KIRREL3: variants seen among roughly 807,000 people sequenced by gnomAD.
The protein encoded by KIRREL3 is kirre like nephrin family adhesion molecule 3.
KIRREL3 carries 36 observed loss-of-function variants against 89.7 expected under a neutral mutation model. The observed-to-expected ratio is 0.40, with a 90% CI of 0.31 to 0.53. The LOEUF (loss-of-function observed/expected upper bound fraction) is 0.53, where lower values mean the gene tolerates loss of function less well. KIRREL3 is among the 20% of genes least tolerant of loss of function. The pLI is 0.49. For synonymous variants in KIRREL3, 445 were observed against 441.4 expected (o/e 1.01, Z -0.10); for missense variants, 864 against 1,056.6 (o/e 0.82, Z 2.53).
chr11:126,447,191 A>G (rs538654021), intron 8 of KIRREL3, among the ~76,000 whole-genome samples: 45 of 152,002 alleles, frequency 3.0e-4, no homozygotes, highest in African/African-American at 1.1e-3. Context: ...GCCTGGATTT[A>G]CCCCCACGGC....
chr11:126,731,222 C>T (rs898905249), intron 1 of KIRREL3, among the ~76,000 whole-genome samples: 1 of 152,272 alleles, frequency 6.6e-6, no homozygotes, highest in Admixed American at 6.5e-5. Flanking sequence ...CTCTCCAGAC[C>T]CACCTTCCAT....
intron 8 of KIRREL3, among the ~76,000 whole-genome samples, chr11:126,448,381 G>A (rs1191395112): frequency 6.6e-6 from 1 of 152,048 alleles, no homozygotes; most frequent in African/African-American, 2.4e-5. Context: ...CAATGGATTT[G>A]GTCATTGCCT....
chr11:126,748,722 C>G lies in KIRREL3; in HGVS notation c.56-185810G>C, dbSNP rs1366008471. 6.6e-6 allele frequency among the ~76,000 whole-genome samples: 1 copy of G among 152,146 alleles called. No homozygotes were observed. The highest frequency in any genetic ancestry group is 2.4e-5 in the African/African-American group (1 of 41,424). On this transcript the variant is annotated intron_variant, in intron 1 of 16. Transcript: ENST00000525144. The surrounding 1 kb of genome is among the most constrained non-coding windows in gnomAD (Gnocchi z 4.6). ...TCGTGGTAACAAATGAGGATTAAAC[C>G]AGGCCACGTGTGCCATCCATCGCTG...
intron 1 of KIRREL3, among the ~76,000 whole-genome samples, chr11:126,878,295 G>T (rs1464378902): frequency 1.3e-5 from 2 of 152,146 alleles, no homozygotes; most frequent in South Asian, 2.1e-4. Flanking sequence ...TGTGTAGTGA[G>T]AACAGTTGTA....
At position 126,752,523 on chromosome 11, in the gene KIRREL3, T is replaced by C. The variant is rs1345174773; in HGVS notation, c.56-189611A>G. Among the ~76,000 whole-genome samples, 3 of 152,166 alleles carry C rather than the reference T, an allele frequency of 2.0e-5. No individual in the cohort carries two copies. Among genetic ancestry groups the C allele is most frequent in the African/African-American group, 4.8e-5 (2 of 41,422 alleles). On this transcript the variant is annotated intron_variant, in intron 1 of 16. Transcript: ENST00000525144. The surrounding 1 kb of genome is among the most constrained non-coding windows in gnomAD (Gnocchi z 4.8). ...GCGGAATAAGACCACTGAGTGTTGT[T>C]CTTGAAAACTGATGCAGAATTAGAG...
chr11:126,839,553 A>G (rs1943893119), intron 1 of KIRREL3, among the ~76,000 whole-genome samples: 1 of 152,164 alleles, frequency 6.6e-6, no homozygotes, highest in Admixed American at 6.5e-5. Flanking sequence ...GGTTCCAGAA[A>G]GCTGTTCTTC....
chr11:126,631,013 GTTCCC>G (rs2134882219), intron 1 of KIRREL3, among the ~76,000 whole-genome samples: 1 of 152,286 alleles, frequency 6.6e-6, no homozygotes, highest in South Asian at 2.1e-4. Context: ...CCTGCCTGGT[GTTCCC>G]CACACCAAAA....
rs1378104963 is a variant in KIRREL3, at chr11:126,676,080, G to A, written c.56-113168C>T. On this transcript the variant is annotated intron_variant, in intron 1 of 16. Transcript: ENST00000525144. This position sits in a 1 kb window ranked among gnomAD's most constrained non-coding sequence, Gnocchi z 4.5. ...AGAAAGGAAGAGGATGCCAGGTCCAGTTTGGGACATACTGAATTTCAGATG... is the reference window on the plus strand; with the variant it reads ...AGAAAGGAAGAGGATGCCAGGTCCAATTTGGGACATACTGAATTTCAGATG... Among the ~76,000 whole-genome samples the A allele has an allele frequency of 6.6e-6, 1 of 152,188 alleles. No individual in the cohort carries two copies. The highest frequency in any genetic ancestry group is 1.5e-5 in the Non-Finnish European group (1 of 68,034).
chr11:126,608,035 C>T lies in KIRREL3; in HGVS notation c.56-45123G>A, dbSNP rs778747989. Among the ~76,000 whole-genome samples the T allele has an allele frequency of 6.6e-6, 1 of 152,200 alleles. No homozygotes were observed. The highest frequency in any genetic ancestry group is 1.5e-5 in the Non-Finnish European group (1 of 68,046). On this transcript the variant is annotated intron_variant, in intron 1 of 16. Coordinates refer to ENST00000525144, the MANE Select transcript of KIRREL3 (RefSeq NM_032531.4). This position sits in a 1 kb window ranked among gnomAD's most constrained non-coding sequence, Gnocchi z 4.9. ...TCATCTCCCGTGCCTGCCGTGCTGT[C>T]TCTTACCAACCCAGGAGGGAGGGTT... is the stretch of plus-strand genomic sequence containing the variant.
chr11:126,572,655 G>A (rs1454898999), intron 1 of KIRREL3, among the ~76,000 whole-genome samples: 1 of 152,318 alleles, frequency 6.6e-6, no homozygotes, highest in African/African-American at 2.4e-5. Flanking sequence ...AGCCCTTGTG[G>A]GAGTGAGGCT....
chr11:126,690,756 G>A (rs1377906164), intron 1 of KIRREL3, among the ~76,000 whole-genome samples: 1 of 152,196 alleles, frequency 6.6e-6, no homozygotes, highest in Non-Finnish European at 1.5e-5. Context: ...ATCTGATGTC[G>A]AGGAATCTTT....
chr11:126,424,091 GC>G lies in KIRREL3; in HGVS notation c.*488del, dbSNP rs1954832700. The stretch of plus-strand genomic sequence containing the variant: ...TATGGGCTATGAGCAGCAGTGGGGA[GC>G]CGGGGTTTCTGGGGCAGCTCAGTGC... On this transcript the variant is annotated 3_prime_UTR_variant, in exon 17 of 17. Transcript: ENST00000525144. 5.9e-6 allele frequency: 1 copy of G among 170,366 alleles called. No individual in the cohort carries two copies. Among genetic ancestry groups the G allele is most frequent in the Admixed American group, 5.5e-5 (1 of 18,276 alleles). 10.6% of individuals were successfully genotyped at this position (170,366 alleles called of 1,614,324 possible).
chr11:126,950,989 T>C (rs978096904), intron 1 of KIRREL3, among the ~76,000 whole-genome samples: 2 of 152,150 alleles, frequency 1.3e-5, no homozygotes, highest in Non-Finnish European at 2.9e-5. Context: ...TGTGTTCTGT[T>C]AAGAAAAAAA....
At chr11:126,757,296 G>T (rs1459739441) in intron 1 of KIRREL3, among the ~76,000 whole-genome samples, 3 of 146,656 alleles carry the variant, frequency 2.0e-5, no homozygotes, top group African/African-American at 5.0e-5. Context: ...ATTGGAAAAA[G>T]AAAATAAAAA....
intron 1 of KIRREL3, among the ~76,000 whole-genome samples, chr11:126,573,379 C>G (rs1441111627): frequency 6.6e-6 from 1 of 152,166 alleles, no homozygotes; most frequent in African/African-American, 2.4e-5. Context: ...ACCTTGGGAG[C>G]TGAGGCTGGT....
rs3212318 is a variant in KIRREL3, at chr11:126,424,569, G to A, written c.*11C>T. The A allele has an allele frequency of 5.6e-3, 8,959 of 1,612,698 alleles. 401 individuals carry two copies. The African/African-American group carries it at 0.1, about 18-fold the overall frequency. ...CTTCCCTGGCCCGTCCCCACCCGCG[G>A]TGTGTGATCCTTAGACGTGAGTCTG... On this transcript the variant is annotated 3_prime_UTR_variant, in exon 17 of 17. Transcript: ENST00000525144.
At position 126,812,438 on chromosome 11, in the gene KIRREL3, A is replaced by T. The variant is rs1951422018; in HGVS notation, c.55+188017T>A. Among the ~76,000 whole-genome samples, 1 of 152,136 alleles carries T rather than the reference A, an allele frequency of 6.6e-6. No individual in the cohort carries two copies. Among genetic ancestry groups the T allele is most frequent in the South Asian group, 2.1e-4 (1 of 4,822 alleles). On this transcript the variant is annotated intron_variant, in intron 1 of 16. Coordinates refer to ENST00000525144, the MANE Select transcript of KIRREL3 (RefSeq NM_032531.4). This position sits in a 1 kb window ranked among gnomAD's most constrained non-coding sequence, Gnocchi z 5.2. Reference sequence around the variant, plus strand: ...TGAACTCTGACACCACTCCACAATTAATATTGTCCACTGAACAGAATGGTG... The same window carrying T: ...TGAACTCTGACACCACTCCACAATTTATATTGTCCACTGAACAGAATGGTG...
chr11:126,833,540 T>C (rs531827307), intron 1 of KIRREL3, among the ~76,000 whole-genome samples: 239 of 152,210 alleles, frequency 1.6e-3, no homozygotes, highest in Non-Finnish European at 2.9e-3. Context: ...AGCCCTCCCT[T>C]TGGAGAGCCA....
At chr11:126,631,094 A>C in intron 1 of KIRREL3, among the ~76,000 whole-genome samples, 1 of 151,558 alleles carries the variant, frequency 6.6e-6, no homozygotes. Context: ...CTCTTCATTC[A>C]GTTGTCTGTG....
Sources: allele counts gnomAD v4.1 joint callset (sites outside exome capture counted in the v4.1 genomes callset), GRCh38; gene constraint gnomAD v4.1.1; non-coding constraint Gnocchi (gnomAD v3.1); transcripts MANE v1.5; gene names NCBI Gene and HGNC (gene_info 2026-07-23, HGNC 2026-07-21).